ITGB3: variants seen among roughly 807,000 people sequenced by gnomAD.
ITGB3 encodes integrin beta-3.
Under a neutral mutation model 85.8 loss-of-function variants are expected in ITGB3, and 48 were observed. That is an observed-to-expected ratio of 0.56 (90% CI 0.44 to 0.71). The LOEUF is 0.71. ITGB3 is among the 30% of genes least tolerant of loss of function. ITGB3 has a pLI of 0.00. For missense variants in ITGB3, 861 were observed against 1,019.1 expected (o/e 0.84, Z 2.11); for synonymous variants, 363 against 395.6 (o/e 0.92, Z 0.98).
chr17:47,287,888 T>A lies in ITGB3; in HGVS notation c.939+657T>A, dbSNP rs371737279. On this transcript the variant is annotated intron_variant, in intron 6 of 14. Coordinates refer to ENST00000559488, the MANE Select transcript of ITGB3 (RefSeq NM_000212.3). ...TCTTGCCACTACACTCCAGCCTGAG[T>A]GACAGAGCAAGAACCACCCCTGCTT... 1.0e-4 allele frequency among the ~76,000 whole-genome samples: 15 copies of A among 144,514 alleles called. No individual in the cohort carries two copies. In the East Asian group the frequency reaches 3.1e-3, roughly 30 times the overall value. The allele number at this position is 144,514 out of a possible 152,430, so 94.8% of individuals were successfully genotyped here.
chr17:47,254,210 C>G (rs534653606), intron 1 of ITGB3, among the ~76,000 whole-genome samples: 1 of 152,038 alleles, frequency 6.6e-6, no homozygotes, highest in Non-Finnish European at 1.5e-5. Flanking sequence ...GCCGCCGCGG[C>G]GCGCACGGTG....
rs1031354552 is a variant in ITGB3, at chr17:47,310,331, A to G, written c.*127A>G. 1 of 847,506 alleles carries G rather than the reference A, an allele frequency of 1.2e-6. No individual in the cohort carries two copies. The highest frequency in any genetic ancestry group is 2.0e-6 in the Non-Finnish European group (1 of 504,788). 52.5% of individuals were successfully genotyped at this position (847,506 alleles called of 1,614,324 possible). A position where few individuals can be genotyped will look rare whatever the true frequency, so the allele number is the denominator to read the frequency against. ...GGCTCAGAGTGGGGTAGGTTGGGAG[A>G]ATGTCAGTATGTGGAAGTGTGGGTC... On this transcript the variant is annotated 3_prime_UTR_variant, in exon 15 of 15. Coordinates refer to ENST00000559488, the MANE Select transcript of ITGB3 (RefSeq NM_000212.3).
chr17:47,282,169 G>A (rs774471715), intron 2 of ITGB3, among the ~76,000 whole-genome samples: 22 of 151,934 alleles, frequency 1.4e-4, no homozygotes, highest in Non-Finnish European at 2.1e-4. Flanking sequence ...GGCTGGTATC[G>A]AACTCCTGAC....
chr17:47,278,449 G>A (rs113429708), intron 2 of ITGB3, among the ~76,000 whole-genome samples: 18 of 152,060 alleles, frequency 1.2e-4, no homozygotes, highest in African/African-American at 4.1e-4. Flanking sequence ...GCGTGGTGGC[G>A]CAGGCCTGTA....
chr17:47,276,860 C>T (rs1328528404), intron 2 of ITGB3, among the ~76,000 whole-genome samples: 1 of 152,154 alleles, frequency 6.6e-6, no homozygotes, highest in Admixed American at 6.5e-5. Flanking sequence ...ACTGGCTGGT[C>T]CATTTTTTAG....
At chr17:47,292,036 T>G in intron 9 of ITGB3, 103 bp from the exon 10 acceptor site, 1 of 1,173,022 alleles carries the variant, frequency 8.5e-7, no homozygotes, top group Non-Finnish European at 1.3e-6. Flanking sequence ...ACACCCAATT[T>G]GGGTATTCCT....
chr17:47,291,255 C>T (rs2065124539), intron 9 of ITGB3, 167 bp downstream of exon 9: 1 of 725,330 alleles, frequency 1.4e-6, no homozygotes, highest in African/African-American at 1.8e-5. Context: ...ATGGATCCAC[C>T]AATCTTTTCC....
intron 1 of ITGB3, among the ~76,000 whole-genome samples, chr17:47,255,994 A>AATAC (rs571438201): frequency 5.3e-5 from 8 of 151,814 alleles, no homozygotes; most frequent in African/African-American, 1.7e-4. Flanking sequence ...TAAATAAATA[A>AATAC]ATACATAATT....
chr17:47,284,041 T>G (rs1231044245), intron 3 of ITGB3, among the ~76,000 whole-genome samples: 2 of 152,198 alleles, frequency 1.3e-5, no homozygotes, highest in African/African-American at 4.8e-5. Context: ...TGATTTTGAC[T>G]TTCCAACTAA....
At chr17:47,296,342 T>C (rs1193694615) in intron 10 of ITGB3, among the ~76,000 whole-genome samples, 1 of 152,048 alleles carries the variant, frequency 6.6e-6, no homozygotes, top group African/African-American at 2.4e-5. Context: ...CAAGTGATCC[T>C]TCTGCCTTAG....
At chr17:47,272,065 T>TC (rs2065046059) in intron 1 of ITGB3, among the ~76,000 whole-genome samples, 2 of 149,578 alleles carry the variant, frequency 1.3e-5, no homozygotes, top group African/African-American at 4.9e-5. Flanking sequence ...TATTTTTTTT[T>TC]TTTTTTTTTT....
intron 1 of ITGB3, among the ~76,000 whole-genome samples, chr17:47,262,702 C>T (rs1177169205): frequency 6.6e-6 from 1 of 152,182 alleles, no homozygotes; most frequent in Non-Finnish European, 1.5e-5. Flanking sequence ...CCTGGGGACT[C>T]TTGTCTCCTG....
rs926076340 is a variant in ITGB3, at chr17:47,291,291, T to C, written c.1260+203T>C. The stretch of plus-strand genomic sequence containing the variant: ...TCTGAGGCTTCTGTTGCGTAAGCCA[T>C]TTCTGTTACGTGAACTTCACTCTCA... On this transcript the variant is annotated intron_variant, in intron 9 of 14. Transcript: ENST00000559488. The C allele has an allele frequency of 4.0e-5, 25 of 630,254 alleles. No homozygotes were observed. The African/African-American group carries it at 4.6e-4, about 12-fold the overall frequency. 39.0% of individuals were successfully genotyped at this position (630,254 alleles called of 1,614,324 possible). A position where few individuals can be genotyped will look rare whatever the true frequency, so the allele number is the denominator to read the frequency against.
chr17:47,275,301 G>T (rs1316777537), intron 2 of ITGB3, among the ~76,000 whole-genome samples: 2 of 151,998 alleles, frequency 1.3e-5, no homozygotes, highest in Non-Finnish European at 2.9e-5. Context: ...TAGGCAGAGG[G>T]TTTGTTGTGT....
At chr17:47,268,846 A>G (rs1012329709) in intron 1 of ITGB3, among the ~76,000 whole-genome samples, 1 of 152,178 alleles carries the variant, frequency 6.6e-6, no homozygotes, top group African/African-American at 2.4e-5. Flanking sequence ...GCCTCAACCC[A>G]TATTTCCCTT....
intron 10 of ITGB3, among the ~76,000 whole-genome samples, chr17:47,294,322 T>A (rs1005382709): frequency 6.6e-6 from 1 of 152,064 alleles, no homozygotes; most frequent in African/African-American, 2.4e-5. Context: ...GGAGAGAGGG[T>A]GGTCCCAGGA....
chr17:47,276,751 A>G (rs62074425), intron 2 of ITGB3, among the ~76,000 whole-genome samples: 141 of 152,306 alleles, frequency 9.3e-4, no homozygotes, highest in Non-Finnish European at 1.8e-3. Context: ...CTGAACATAA[A>G]TGCTATTTTG....
chr17:47,304,457 G>T (rs11869835), intron 13 of ITGB3, among the ~76,000 whole-genome samples: 13,058 of 152,308 alleles, frequency 0.086, 605 homozygotes, highest in East Asian at 0.19. Flanking sequence ...GGGCTCTTGA[G>T]CTGGGCTCTT....
At chr17:47,275,730 G>A (rs1398942297) in intron 2 of ITGB3, among the ~76,000 whole-genome samples, 8 of 152,374 alleles carry the variant, frequency 5.3e-5, no homozygotes, top group Middle Eastern at 6.8e-3. Flanking sequence ...GGCCAGCTCC[G>A]CACGTTGCTT....
Sources: gnomAD v4.1 joint callset for allele counts (sites outside exome capture counted in the v4.1 genomes callset) on GRCh38, gnomAD v4.1.1 for gene constraint, MANE v1.5 for transcripts, NCBI Gene and HGNC (gene_info 2026-07-23, HGNC 2026-07-21) for gene names.